Variants in CPLANE1 observed in about 807,000 individuals in gnomAD.
CPLANE1 encodes ciliogenesis and planar polarity effector 1.
CPLANE1 carries 263 observed loss-of-function variants against 362.5 expected under a neutral mutation model. That is an observed-to-expected ratio of 0.73 (90% CI 0.66 to 0.80). CPLANE1 has a LOEUF of 0.80. CPLANE1 is among the 30% of genes least tolerant of loss of function. The pLI is 0.00. For synonymous variants in CPLANE1, 1,212 were observed against 1,302.6 expected, an observed-to-expected ratio of 0.93 and a Z score of 1.50; for missense variants, 3,461 against 3,793.4, an observed-to-expected ratio of 0.91 and a Z score of 2.30.
downstream of CPLANE1, among the ~76,000 whole-genome samples, chr5:37,104,057 G>T (rs1054117607): frequency 6.6e-6 from 1 of 152,066 alleles, no homozygotes; most frequent in African/African-American, 2.4e-5. Context: ...GGTTTTGTTA[G>T]TTCCTTTTCA....
At chr5:37,217,926 G>A (rs1426074666) in intron 15 of CPLANE1, among the ~76,000 whole-genome samples, 1 of 152,026 alleles carries the variant, frequency 6.6e-6, no homozygotes, top group Non-Finnish European at 1.5e-5. Context: ...GTTGCAATGA[G>A]CCGAGATCGT....
At chr5:37,231,462 G>A (rs963704008) in intron 8 of CPLANE1, among the ~76,000 whole-genome samples, 3 of 152,164 alleles carry the variant, frequency 2.0e-5, no homozygotes, top group Non-Finnish European at 4.4e-5. Flanking sequence ...AGCTACTGGG[G>A]AGGCTGAGGC....
At chr5:37,147,993 A>AAAAAAAAAAT in intron 43 of CPLANE1, among the ~76,000 whole-genome samples, 188 bp downstream of exon 43, 1 of 150,116 alleles carries the variant, frequency 6.7e-6, no homozygotes, top group Non-Finnish European at 1.5e-5. Context: ...AAAAAAAAAA[A>AAAAAAAAAAT]AAAAAGGCCG....
In CPLANE1 at chr5:37,205,415, A is replaced by G. The variant is rs1256541337; in HGVS notation, c.3189T>C (p.Thr1063=). The G allele has an allele frequency of 6.5e-7, 1 of 1,549,430 alleles. No homozygotes were observed. The highest frequency in any genetic ancestry group is 2.0e-5 in the Admixed American group (1 of 50,774). The change falls in exon 18 of 53, where the codon ACT becomes ACC. Residue 1063 remains threonine, a synonymous_variant. Coordinates refer to ENST00000651892, the MANE Select transcript of CPLANE1 (RefSeq NM_001384732.1). The part of the protein sequence containing the change: ...KKSLNLPLRM[T]PAQIFQEKLQ... ...GTTTTTCCTGAAAAATCTGTGCTGG[A>G]GTCATACGGAGTGGTAGATTCAGAC... is the stretch of plus-strand genomic sequence containing the variant.
intron 42 of CPLANE1, among the ~76,000 whole-genome samples, chr5:37,151,950 T>G (rs887751725): frequency 6.6e-6 from 1 of 152,162 alleles, no homozygotes; most frequent in Non-Finnish European, 1.5e-5. Context: ...ATTAATATTT[T>G]TAGCAGTAGT....
chr5:37,182,675 T>C (rs893400197), intron 26 of CPLANE1, 85 bp downstream of exon 26: 2 of 842,390 alleles, frequency 2.4e-6, no homozygotes, highest in Middle Eastern at 2.7e-4. Flanking sequence ...ATTTAATGAT[T>C]CTTTAAAAGA....
intron 46 of CPLANE1, among the ~76,000 whole-genome samples, chr5:37,133,923 C>T (rs1766753822): frequency 6.6e-6 from 1 of 152,152 alleles, no homozygotes; most frequent in South Asian, 2.1e-4. Flanking sequence ...TCATAAATGG[C>T]TATTAATCAC....
intron 16 of CPLANE1, among the ~76,000 whole-genome samples, chr5:37,213,206 C>G (rs1215035847): frequency 1.3e-5 from 2 of 151,818 alleles, no homozygotes; most frequent in South Asian, 4.1e-4. Flanking sequence ...GAAACTCAGT[C>G]TCAAAAAAAA....
At chr5:37,086,839 C>T in the CPLANE1 span, among the ~76,000 whole-genome samples, 8 of 152,150 alleles carry the variant, frequency 5.3e-5, no homozygotes, top group Non-Finnish European at 8.8e-5. Flanking sequence ...ATTCATCTGT[C>T]GTTAAGTCAG....
chr5:37,098,721 A>G, the CPLANE1 span, among the ~76,000 whole-genome samples: 1 of 151,976 alleles, frequency 6.6e-6, no homozygotes. Context: ...GACATTAATA[A>G]CAAGAGAAAC....
At chr5:37,149,719 T>C (rs1383047604) in intron 42 of CPLANE1, among the ~76,000 whole-genome samples, 2 of 152,188 alleles carry the variant, frequency 1.3e-5, no homozygotes, top group Non-Finnish European at 2.9e-5. Flanking sequence ...TCTCAAAATA[T>C]CTTCTTATAC....
At chr5:37,075,742 A>ACAAT in the CPLANE1 span, among the ~76,000 whole-genome samples, 1 of 152,196 alleles carries the variant, frequency 6.6e-6, no homozygotes, top group East Asian at 1.9e-4. Context: ...ACCTGCAATC[A>ACAAT]CAATCAAGCT....
At chr5:37,123,232 G>A (rs750569936) in intron 47 of CPLANE1, among the ~76,000 whole-genome samples, 3 of 152,300 alleles carry the variant, frequency 2.0e-5, no homozygotes, top group South Asian at 2.1e-4. Context: ...AGACACATAC[G>A]TATTATTCCA....
intron 12 of CPLANE1, among the ~76,000 whole-genome samples, chr5:37,226,055 G>A (rs1278169956): frequency 6.6e-6 from 1 of 151,810 alleles, no homozygotes; most frequent in East Asian, 1.9e-4. Flanking sequence ...GTTTTGAAAC[G>A]TACTTAAATA....
chr5:37,196,161 TC>T (rs1165975808), intron 20 of CPLANE1, among the ~76,000 whole-genome samples, 165 bp from the exon 21 acceptor site: 6 of 136,300 alleles, frequency 4.4e-5, no homozygotes, highest in Admixed American at 4.0e-4. Context: ...TTCAGGAAAG[TC>T]ACTAGCTTGT....
rs746860595 is a variant in CPLANE1, at chr5:37,114,960, C to T, written c.9400G>A (p.Gly3134Ser). Residue 3134 changes from glycine to serine, a missense_variant and splice_region_variant, in exon 51 of 53, where the codon GGC (glycine) becomes AGC (serine). Physicochemically the swap from Gly to Ser is moderately conservative, Grantham distance 56. This residue lies in a region of CPLANE1 where 3,380 missense variants were observed against 3,666.1 expected (regional missense o/e 0.92). Transcript: ENST00000651892. ...AAACTTTATCTTCTTTATCCCTTAC[C>T]TTTTTGGAAGGTAACTGGAGACTGC... ...ATQSPVTFQKGSNAPCHSLQH... is the reference protein window; with the variant it reads ...ATQSPVTFQKSSNAPCHSLQH... 5 of 1,590,890 alleles carry T rather than the reference C, an allele frequency of 3.1e-6. No homozygotes were observed. The highest frequency in any genetic ancestry group is 3.4e-6 in the Non-Finnish European group (4 of 1,161,282).
chr5:37,141,479 CA>C lies in CPLANE1; in HGVS notation c.8632+830del, dbSNP rs535394782. The C allele has an allele frequency of 8.8e-5, 87 of 984,222 alleles. No individual in the cohort carries two copies. In the South Asian group the frequency reaches 3.9e-3, roughly 44 times the overall value. 61.0% of individuals were successfully genotyped at this position (984,222 alleles called of 1,614,324 possible). On this transcript the variant is annotated intron_variant, in intron 44 of 52. Coordinates refer to ENST00000651892, the MANE Select transcript of CPLANE1 (RefSeq NM_001384732.1). ...TATCCCCATATGTTGATGACTAAAA[CA>C]CACATGGCATCTAGAAAGAACTGAG...
Position 37,180,958 on chromosome 5 carries a change from C to G in CPLANE1, c.5469G>C (p.Glu1823Asp). Reference protein sequence around the residue: ...DTGCQIGPNIERESKSDAGGS... With the variant: ...DTGCQIGPNIDRESKSDAGGS... Reference sequence around the variant, plus strand: ...CGCCAGCATCTGATTTGCTCTCCCTCTCAATATTGGGTCCAATCTGACACC... The same window carrying G: ...CGCCAGCATCTGATTTGCTCTCCCTGTCAATATTGGGTCCAATCTGACACC... The change falls in exon 27 of 53, where the codon GAG (glutamate) becomes GAC (aspartate). Residue 1823 changes from glutamate (E) to aspartate (D), a missense_variant. Glu to Asp is a conservative substitution (Grantham distance 45, BLOSUM62 2). This residue lies in a region of CPLANE1 where 3,380 missense variants were observed against 3,666.1 expected (regional missense o/e 0.92). Coordinates refer to ENST00000651892, the MANE Select transcript of CPLANE1 (RefSeq NM_001384732.1). 1.2e-6 allele frequency: 2 copies of G among 1,614,074 alleles called. No individual in the cohort carries two copies. The highest frequency in any genetic ancestry group is 1.7e-5 in the Admixed American group (1 of 60,018).
rs377533720 is a variant in CPLANE1 at position 37,205,114 on chromosome 5, G to A, written c.3289+201C>T. On this transcript the variant is annotated intron_variant, in intron 18 of 52. Coordinates refer to ENST00000651892, the MANE Select transcript of CPLANE1 (RefSeq NM_001384732.1). ...AGAGTTTGCAGTGAGCTAAGATCACGCCACTGCACTCCAGCCTGGGTGGCA... is the reference window on the plus strand; with the variant it reads ...AGAGTTTGCAGTGAGCTAAGATCACACCACTGCACTCCAGCCTGGGTGGCA... 7.8e-3 allele frequency: 2,405 copies of A among 306,998 alleles called. 23 individuals are homozygous for A. Among genetic ancestry groups the A allele is most frequent in the South Asian group, 0.019 (152 of 7,858 alleles). 19.0% of individuals were successfully genotyped at this position (306,998 alleles called of 1,614,324 possible).
Sources: gnomAD v4.1 joint callset for allele counts (sites outside exome capture counted in the v4.1 genomes callset) on GRCh38, gnomAD v4.1.1 for gene constraint, gnomAD v4.1.1 regional missense constraint, MANE v1.5 for transcripts, NCBI Gene and HGNC (gene_info 2026-07-23, HGNC 2026-07-21) for gene names.